Variants in CSNK1G1 observed in about 807,000 individuals in gnomAD.
CSNK1G1 encodes the protein casein kinase 1 gamma 1.
CSNK1G1 carries 22 observed loss-of-function variants against 59.6 expected under a neutral mutation model. The observed-to-expected ratio is 0.37, with a 90% CI of 0.26 to 0.53. CSNK1G1 has a LOEUF of 0.53. Among genes scored for constraint, CSNK1G1 ranks in the 20% least tolerant of loss-of-function variants. The pLI, the probability that CSNK1G1 is intolerant of heterozygous loss-of-function variation, is 0.89. For synonymous variants in CSNK1G1, 179 were observed against 177.1 expected (o/e 1.01, Z -0.08); for missense variants, 384 against 519.5 (o/e 0.74, Z 2.54).
chr15:64,250,041 G>A (rs1413420604), intron 4 of CSNK1G1, among the ~76,000 whole-genome samples: 2 of 152,090 alleles, frequency 1.3e-5, no homozygotes. Flanking sequence ...ATCATAAATG[G>A]GCTGTGACAG....
intron 10 of CSNK1G1, among the ~76,000 whole-genome samples, chr15:64,201,494 G>A (rs967577592): frequency 5.3e-5 from 8 of 152,016 alleles, no homozygotes; most frequent in South Asian, 2.1e-4. Context: ...CTTAAACAAC[G>A]ACTTTAAAGG....
chr15:64,207,538 G>T lies in CSNK1G1; in HGVS notation c.736C>A (p.Arg246=), dbSNP rs747064267. 12 of 1,613,896 alleles carry T rather than the reference G, an allele frequency of 7.4e-6. No homozygotes were observed. The highest frequency in any genetic ancestry group is 9.3e-6 in the Non-Finnish European group (11 of 1,179,848). Residue 246 remains arginine, a synonymous_variant, in exon 7 of 12, where the codon CGA becomes AGA. Transcript: ENST00000303052. The part of the protein sequence containing the change: ...ALGHMFMYFL[R]GSLPWQGLKA... ...AGTCCTTGCCAGGGGAGGCTGCCTC[G>T]AAGGAAATACATGAACATATGGCCT...
chr15:64,274,607 T>C (rs921336395), intron 2 of CSNK1G1, among the ~76,000 whole-genome samples: 2 of 152,218 alleles, frequency 1.3e-5, no homozygotes, highest in African/African-American at 4.8e-5. Context: ...AGGAACTGCA[T>C]TACACAGTAG....
At chr15:64,286,250 T>G (rs1342182734) in intron 2 of CSNK1G1, among the ~76,000 whole-genome samples, 1 of 151,976 alleles carries the variant, frequency 6.6e-6, no homozygotes, top group Non-Finnish European at 1.5e-5. Context: ...TCACTCTTTC[T>G]AAGCTACATT....
intron 1 of CSNK1G1, among the ~76,000 whole-genome samples, chr15:64,312,165 A>G (rs1465902817): frequency 2.0e-5 from 3 of 152,238 alleles, no homozygotes; most frequent in Admixed American, 6.5e-5. Flanking sequence ...TATCACGAAA[A>G]TAGCCATACT....
chr15:64,272,156 G>A (rs929011052), intron 2 of CSNK1G1, among the ~76,000 whole-genome samples: 2 of 151,534 alleles, frequency 1.3e-5, no homozygotes, highest in African/African-American at 4.8e-5. Flanking sequence ...ACATGACATG[G>A]GTCTCTTGAA....
intron 1 of CSNK1G1, among the ~76,000 whole-genome samples, chr15:64,320,831 A>G (rs1468858395): frequency 1.3e-5 from 2 of 152,168 alleles, no homozygotes; most frequent in East Asian, 1.9e-4. Flanking sequence ...AAATTTTTAA[A>G]TACTGTCCAC....
At chr15:64,185,527 A>G (rs1417060561) in intron 10 of CSNK1G1, among the ~76,000 whole-genome samples, 1 of 152,214 alleles carries the variant, frequency 6.6e-6, no homozygotes, top group Non-Finnish European at 1.5e-5. Flanking sequence ...TGCATGTTTC[A>G]AAAGAGTTGC....
rs534730783 is a variant in CSNK1G1 at position 64,188,031 on chromosome 15, C to T, written c.1108-7577G>A. ...CCTTTAGTCCTCTATTCAAAAAATACTTGTAAGTTTCAGGTCTTTACAATT... is the reference window on the plus strand; with the variant it reads ...CCTTTAGTCCTCTATTCAAAAAATATTTGTAAGTTTCAGGTCTTTACAATT... On this transcript the variant is annotated intron_variant, in intron 10 of 11. Transcript: ENST00000303052. The surrounding 1 kb of genome is among the most constrained non-coding windows in gnomAD (Gnocchi z 4.2). Among the ~76,000 whole-genome samples the T allele has an allele frequency of 1.3e-5, 2 of 152,300 alleles. No individual in the cohort carries two copies. The highest frequency in any genetic ancestry group is 6.5e-5 in the Admixed American group (1 of 15,294).
intron 1 of CSNK1G1, among the ~76,000 whole-genome samples, chr15:64,346,514 A>G (rs1042745449): frequency 1.1e-4 from 17 of 151,720 alleles, no homozygotes; most frequent in Admixed American, 2.6e-4. Context: ...CAGGAGTACA[A>G]TGGTGCGATC....
chr15:64,326,822 G>T (rs949679684), intron 1 of CSNK1G1, among the ~76,000 whole-genome samples: 10 of 147,312 alleles, frequency 6.8e-5, no homozygotes, highest in African/African-American at 2.7e-4. Context: ...TGCGCGCACC[G>T]TGCGCGAGCC....
At chr15:64,294,223 T>C (rs1040547692) in intron 2 of CSNK1G1, among the ~76,000 whole-genome samples, 4 of 151,940 alleles carry the variant, frequency 2.6e-5, no homozygotes, top group African/African-American at 9.7e-5. Context: ...CAGGCGTCCG[T>C]CACCAAGCCC....
At chr15:64,280,858 T>A (rs1400709298) in intron 2 of CSNK1G1, among the ~76,000 whole-genome samples, 1 of 152,140 alleles carries the variant, frequency 6.6e-6, no homozygotes, top group Non-Finnish European at 1.5e-5. Flanking sequence ...AATGGATTAT[T>A]CAACTTGAAA....
chr15:64,350,168 A>G (rs530089985), intron 1 of CSNK1G1, among the ~76,000 whole-genome samples: 4 of 152,224 alleles, frequency 2.6e-5, no homozygotes, highest in South Asian at 4.1e-4. Context: ...GCTTCCATCA[A>G]CAAGTGGACT....
At chr15:64,264,661 AGAT>A (rs1162204874) in intron 2 of CSNK1G1, among the ~76,000 whole-genome samples, 2 of 152,222 alleles carry the variant, frequency 1.3e-5, no homozygotes, top group Non-Finnish European at 2.9e-5. Flanking sequence ...ACACACTAAA[AGAT>A]GATTCACCAT....
At chr15:64,292,122 A>G (rs1261182167) in intron 2 of CSNK1G1, among the ~76,000 whole-genome samples, 1 of 151,718 alleles carries the variant, frequency 6.6e-6, no homozygotes, top group Non-Finnish European at 1.5e-5. Context: ...AGGCAGGAGA[A>G]TGGTGTGAAC....
chr15:64,196,547 G>C (rs528810415), intron 10 of CSNK1G1, among the ~76,000 whole-genome samples: 13 of 152,124 alleles, frequency 8.5e-5, no homozygotes, highest in African/African-American at 3.1e-4. Context: ...TGCCTCCCGG[G>C]TTCAAGTGAT....
intron 1 of CSNK1G1, among the ~76,000 whole-genome samples, chr15:64,344,104 T>C (rs1897820795): frequency 1.3e-5 from 2 of 152,142 alleles, no homozygotes; most frequent in South Asian, 4.1e-4. Context: ...AAATGAATAA[T>C]AGCATTGTAA....
chr15:64,255,997 C>T (rs1181107456), intron 3 of CSNK1G1, among the ~76,000 whole-genome samples: 1 of 152,212 alleles, frequency 6.6e-6, no homozygotes, highest in Non-Finnish European at 1.5e-5. Context: ...ACTAATTATA[C>T]TGTAGAGTCC....
Sources: gnomAD v4.1 joint callset for allele counts (sites outside exome capture counted in the v4.1 genomes callset) on GRCh38, gnomAD v4.1.1 for gene constraint, Gnocchi (gnomAD v3.1) non-coding constraint, MANE v1.5 for transcripts, NCBI Gene and HGNC (gene_info 2026-07-23, HGNC 2026-07-21) for gene names.